The following HS6ST1 variants were observed in gnomAD, a reference collection of about 807,000 sequenced individuals.
The protein encoded by HS6ST1 is heparan sulfate 6-O-sulfotransferase 1.
Under a neutral mutation model 25.2 loss-of-function variants are expected in HS6ST1, and 3 were observed. That is an observed-to-expected ratio of 0.12 (90% CI 0.05 to 0.31). The LOEUF (loss-of-function observed/expected upper bound fraction) is 0.31, where lower values mean the gene tolerates loss of function less well. Ranked by LOEUF, HS6ST1 falls within the 10% of genes least tolerant of loss-of-function variation. The probability of loss-of-function intolerance (pLI) is 1.00; values close to 1 mark genes in which losing one functional copy is unlikely to be tolerated. For synonymous variants in HS6ST1, 204 were observed against 275.1 expected, an observed-to-expected ratio of 0.74 and a Z score of 2.56; for missense variants, 310 against 609.6, an observed-to-expected ratio of 0.51 and a Z score of 5.18.
chr2:128,281,280 G>C (rs2104917702), intron 1 of HS6ST1, among the ~76,000 whole-genome samples: 1 of 152,338 alleles, frequency 6.6e-6, no homozygotes, highest in African/African-American at 2.4e-5. Flanking sequence ...GTGCCTCCTT[G>C]GTTCACCCAG....
At chr2:128,270,973 C>T (rs962761734) in intron 1 of HS6ST1, among the ~76,000 whole-genome samples, 1 of 152,226 alleles carries the variant, frequency 6.6e-6, no homozygotes, top group African/African-American at 2.4e-5. Flanking sequence ...TTCAGCGCCC[C>T]AGCCCACAGG....
intron 1 of HS6ST1, among the ~76,000 whole-genome samples, chr2:128,285,727 G>T (rs1445785403): frequency 6.6e-6 from 1 of 152,184 alleles, no homozygotes; most frequent in Non-Finnish European, 1.5e-5. Context: ...TTCCCATGGT[G>T]GGTGTCCCTG....
intron 1 of HS6ST1, among the ~76,000 whole-genome samples, chr2:128,307,602 G>A (rs528097215): frequency 3.3e-5 from 5 of 152,232 alleles, no homozygotes; most frequent in Non-Finnish European, 5.9e-5. Context: ...AACCCTGTAG[G>A]GGAAAACAGG....
intron 1 of HS6ST1, among the ~76,000 whole-genome samples, chr2:128,272,577 G>T (rs1310810472): frequency 2.0e-5 from 3 of 152,146 alleles, no homozygotes; most frequent in Admixed American, 6.5e-5. Context: ...GGGAACAAAG[G>T]CCTCTCTGCC....
intron 1 of HS6ST1, among the ~76,000 whole-genome samples, chr2:128,293,328 G>T (rs1693989078): frequency 6.6e-6 from 1 of 152,260 alleles, no homozygotes; most frequent in South Asian, 2.1e-4. Context: ...GCAGAGCAAG[G>T]CCTGGGAATG....
intron 1 of HS6ST1, among the ~76,000 whole-genome samples, chr2:128,273,684 C>T (rs902559912): frequency 1.3e-5 from 2 of 152,238 alleles, no homozygotes; most frequent in African/African-American, 4.8e-5. Context: ...GCCCCAGCTG[C>T]GCCTTGCCCT....
Position 128,268,310 on chromosome 2 carries a change from C to G in HS6ST1, c.1088G>C (p.Arg363Pro). The G allele has an allele frequency of 6.2e-7, 1 of 1,613,374 alleles. No homozygotes were observed. Among genetic ancestry groups the G allele is most frequent in the Non-Finnish European group, 8.5e-7 (1 of 1,179,860 alleles). The change falls in exon 2 of 2, where the codon CGG becomes CCG. Residue 363 changes from arginine to proline, a missense_variant. Around this residue, in one of 5 missense-constraint regions of HS6ST1, gnomAD observed 140 missense variants for 176.5 expected, o/e 0.79. Coordinates refer to ENST00000259241, the MANE Select transcript of HS6ST1 (RefSeq NM_004807.3). ...GCGCTGCTCCCTGCGCTCCAGCTGC[C>G]GCTTGTACTGGTAGCGCTGCTGGAA... ...DLFQQRYQYKRQLERREQRLR... is the reference protein window; with the variant it reads ...DLFQQRYQYKPQLERREQRLR...
chr2:128,297,492 G>C (rs1352868413), intron 1 of HS6ST1, among the ~76,000 whole-genome samples: 1 of 152,070 alleles, frequency 6.6e-6, no homozygotes, highest in Non-Finnish European at 1.5e-5. Context: ...TCCAAACACA[G>C]GTAACAAAAG....
chr2:128,300,342 G>C (rs911597286), intron 1 of HS6ST1, among the ~76,000 whole-genome samples: 8 of 152,136 alleles, frequency 5.3e-5, no homozygotes, highest in East Asian at 1.9e-4. Context: ...TGGAGAAGAG[G>C]GGGGGACCAC....
At chr2:128,304,519 C>A (rs1452600599) in intron 1 of HS6ST1, among the ~76,000 whole-genome samples, 1 of 152,252 alleles carries the variant, frequency 6.6e-6, no homozygotes, top group East Asian at 1.9e-4. Context: ...CCTGGCATCC[C>A]TCGGAGGCTG....
rs552304988 is a variant in HS6ST1 at position 128,274,177 on chromosome 2, T to C, written c.528-5307A>G. ...TTCCAGAAAGAGGGGAGAGAGAAAA[T>C]AGAGGAGATGATGACAGAAATAACC... On this transcript the variant is annotated intron_variant, in intron 1 of 1. Transcript: ENST00000259241. Among the ~76,000 whole-genome samples, 4 of 151,722 alleles carry C rather than the reference T, an allele frequency of 2.6e-5. No individual in the cohort carries two copies. In the South Asian group the frequency reaches 8.4e-4, roughly 32 times the overall value.
rs572963326 is a variant in HS6ST1 at position 128,311,743 on chromosome 2, G to A, written c.527+6294C>T. Reference sequence around the variant, plus strand: ...TTCACTGGGGCAGAGCAAGGACACTGGAGCAGAGGGATGGCCTAGACCCAC... The same window carrying A: ...TTCACTGGGGCAGAGCAAGGACACTAGAGCAGAGGGATGGCCTAGACCCAC... On this transcript the variant is annotated intron_variant, in intron 1 of 1. Transcript: ENST00000259241. Among the ~76,000 whole-genome samples, 11 of 152,350 alleles carry A rather than the reference G, an allele frequency of 7.2e-5. No homozygotes were observed. In the East Asian group the frequency reaches 2.1e-3, roughly 29 times the overall value.
At chr2:128,301,322 G>A (rs532356111) in intron 1 of HS6ST1, among the ~76,000 whole-genome samples, 9 of 152,032 alleles carry the variant, frequency 5.9e-5, no homozygotes, top group Non-Finnish European at 1.3e-4. Context: ...CATGGCTCCT[G>A]CGCCCTGTGT....
At chr2:128,281,219 C>T (rs901280649) in intron 1 of HS6ST1, among the ~76,000 whole-genome samples, 9 of 152,330 alleles carry the variant, frequency 5.9e-5, no homozygotes, top group Admixed American at 2.0e-4. Context: ...GGCCTCATGA[C>T]GCTGCTTCTG....
chr2:128,271,258 G>A (rs1008792579), intron 1 of HS6ST1, among the ~76,000 whole-genome samples: 1 of 152,260 alleles, frequency 6.6e-6, no homozygotes, highest in Non-Finnish European at 1.5e-5. Flanking sequence ...CCATGGTGTA[G>A]CCTGTGCCTG....
intron 1 of HS6ST1, among the ~76,000 whole-genome samples, chr2:128,281,883 T>A (rs553663034): frequency 2.0e-5 from 3 of 152,358 alleles, no homozygotes; most frequent in Admixed American, 6.5e-5. Context: ...ATTATTCTCA[T>A]TCTGCAGATG....
chr2:128,296,530 G>C (rs1013286199), intron 1 of HS6ST1, among the ~76,000 whole-genome samples: 2 of 152,180 alleles, frequency 1.3e-5, no homozygotes, highest in African/African-American at 4.8e-5. Context: ...TGTTGTTAAA[G>C]TAAAAATTAA....
chr2:128,269,745 G>C (rs573982634), intron 1 of HS6ST1, among the ~76,000 whole-genome samples: 2 of 152,198 alleles, frequency 1.3e-5, no homozygotes, highest in Non-Finnish European at 2.9e-5. Flanking sequence ...AGTAGAACCA[G>C]GGCCAGGCAG....
rs1020913462 is a variant in HS6ST1 at position 128,268,282 on chromosome 2, C to T, written c.1116G>A (p.Leu372=). The T allele has an allele frequency of 3.1e-6, 5 of 1,612,630 alleles. No homozygotes were observed. In the African/African-American group the frequency reaches 4.0e-5, roughly 13 times the overall value. ...KRQLERREQR[L]RSREERLLHR... ...GCAGCAGACGCTCCTCGCGGCTCCT[C>T]AGGCGCTGCTCCCTGCGCTCCAGCT... The change falls in exon 2 of 2, where the codon CTG becomes CTA. Residue 372 remains leucine (L), a synonymous_variant. Transcript: ENST00000259241.
Sources: gnomAD v4.1 joint callset for allele counts (sites outside exome capture counted in the v4.1 genomes callset) on GRCh38, gnomAD v4.1.1 for gene constraint, gnomAD v4.1.1 regional missense constraint, MANE v1.5 for transcripts, NCBI Gene and HGNC (gene_info 2026-07-23, HGNC 2026-07-21) for gene names.